CHD1: variants seen among roughly 807,000 people sequenced by gnomAD.
CHD1 encodes the protein ATP-dependent chromatin remodeler CHD1.
A neutral mutation model predicts 224.2 loss-of-function variants in CHD1; 36 were observed. The observed-to-expected ratio is 0.16, with a 90% CI of 0.12 to 0.21. The LOEUF (loss-of-function observed/expected upper bound fraction) is 0.21, where lower values mean the gene tolerates loss of function less well. CHD1 is among the 10% of genes least tolerant of loss of function. The pLI is 1.00. For missense variants in CHD1, 1,378 were observed against 1,994.8 expected, an observed-to-expected ratio of 0.69 and a Z score of 5.89; for synonymous variants, 668 against 658.3, an observed-to-expected ratio of 1.01 and a Z score of -0.23.
intron 32 of CHD1, among the ~76,000 whole-genome samples, chr5:98,861,668 CTTT>C (rs758149488): frequency 3.6e-5 from 5 of 139,960 alleles, no homozygotes; most frequent in South Asian, 2.3e-4. Flanking sequence ...TGCCCGACTA[CTTT>C]TTTTTTTTTT....
intron 2 of CHD1, among the ~76,000 whole-genome samples, chr5:98,925,496 A>AT (rs1485076347): frequency 4.6e-5 from 7 of 152,206 alleles, no homozygotes; most frequent in Admixed American, 2.6e-4. Context: ...CACACAACTA[A>AT]TAAGAGGTAG....
chr5:98,889,946 A>C (rs1750904520), intron 15 of CHD1: 1 of 152,282 alleles, frequency 6.6e-6, no homozygotes, highest in Non-Finnish European at 1.5e-5. Flanking sequence ...TAAGTGAATT[A>C]ACACAGAAAC....
intron 15 of CHD1, among the ~76,000 whole-genome samples, chr5:98,890,859 C>T (rs146170805): frequency 1.2e-4 from 19 of 152,174 alleles, no homozygotes; most frequent in African/African-American, 3.4e-4. Context: ...TTTTCCCCAT[C>T]GTATACATTT....
chr5:98,873,814 A>G, intron 25 of CHD1, 91 bp from the exon 26 acceptor site: 1 of 1,168,948 alleles, frequency 8.6e-7, no homozygotes, highest in Non-Finnish European at 1.2e-6. Flanking sequence ...AGATCTGAAT[A>G]TCACTCTACT....
chr5:98,921,744 A>G (rs766535252), intron 2 of CHD1, among the ~76,000 whole-genome samples: 1 of 152,240 alleles, frequency 6.6e-6, no homozygotes, highest in Non-Finnish European at 1.5e-5. Context: ...TTGCCCACAC[A>G]TTATGACTAC....
At chr5:98,923,761 T>C (rs1312142496) in intron 2 of CHD1, among the ~76,000 whole-genome samples, 1 of 152,094 alleles carries the variant, frequency 6.6e-6, no homozygotes, top group East Asian at 1.9e-4. Flanking sequence ...GACTTATTAC[T>C]CCTCCTCGCT....
chr5:98,923,802 T>C (rs1753266895), intron 2 of CHD1, among the ~76,000 whole-genome samples: 1 of 152,224 alleles, frequency 6.6e-6, no homozygotes, highest in African/African-American at 2.4e-5. Context: ...TATAAAATAT[T>C]GGAACAGGTA....
intron 10 of CHD1, 57 bp from the exon 11 acceptor site, chr5:98,897,377 A>C: frequency 8.2e-7 from 1 of 1,224,568 alleles, no homozygotes; most frequent in Non-Finnish European, 1.1e-6. Context: ...AATTATACTA[A>C]AAGATGAAAG....
chr5:98,923,944 T>C (rs537477873), intron 2 of CHD1, among the ~76,000 whole-genome samples: 14 of 152,266 alleles, frequency 9.2e-5, no homozygotes, highest in African/African-American at 3.4e-4. Context: ...TACTAACCAT[T>C]CCATTCCAAC....
intron 8 of CHD1, among the ~76,000 whole-genome samples, chr5:98,899,180 T>C (rs1751530571): frequency 6.6e-6 from 1 of 152,180 alleles, no homozygotes; most frequent in South Asian, 2.1e-4. Context: ...CTTTAAATCA[T>C]CTCTAGATGT....
intron 2 of CHD1, among the ~76,000 whole-genome samples, chr5:98,909,848 C>T (rs142996700): frequency 9.0e-4 from 137 of 152,252 alleles, no homozygotes; most frequent in African/African-American, 3.2e-3. Flanking sequence ...TTTCCAAACT[C>T]TCCCATCTTT....
At chr5:98,869,268 T>C (rs139763698) in intron 30 of CHD1, 8 of 986,022 alleles carry the variant, frequency 8.1e-6, no homozygotes, top group Admixed American at 1.2e-4. Flanking sequence ...TTCACAGAAC[T>C]GATCTCATCC....
At chr5:98,866,148 T>C (rs1371153691) in intron 31 of CHD1, among the ~76,000 whole-genome samples, 1 of 151,388 alleles carries the variant, frequency 6.6e-6, no homozygotes, top group Non-Finnish European at 1.5e-5. Flanking sequence ...ACAAAAACGG[T>C]TACCCTTGAA....
chr5:98,871,856 C>T (rs1421832561), intron 28 of CHD1, among the ~76,000 whole-genome samples, 195 bp downstream of exon 28: 1 of 152,162 alleles, frequency 6.6e-6, no homozygotes, highest in Non-Finnish European at 1.5e-5. Flanking sequence ...TATAATTTCA[C>T]AGTAACGCAA....
chr5:98,867,845 C>T (rs913057168), intron 31 of CHD1, among the ~76,000 whole-genome samples: 14 of 148,678 alleles, frequency 9.4e-5, no homozygotes, highest in Non-Finnish European at 1.5e-4. Flanking sequence ...GTTGTCGGCC[C>T]GGGCTGGAGT....
rs140057785 is a variant in CHD1, at chr5:98,882,064, C to T, written c.2778G>A (p.Ala926=). The T allele has an allele frequency of 7.6e-4, 1,226 of 1,613,404 alleles. 31 individuals are homozygous for T. In the East Asian group the frequency reaches 0.025, roughly 33 times the overall value. The change falls in exon 20 of 36, where the codon GCG becomes GCA. Residue 926 remains alanine (A), a synonymous_variant. Transcript: ENST00000614616. ...GATGATCTAAAACCATCTTCTTTTT[C>T]GCCCTTTCAAGAATATCTTCTTCAA... ...GSVEEDILER[A]KKKMVLDHLV...
chr5:98,901,555 G>A lies in CHD1; in HGVS notation c.438-220C>T, dbSNP rs571540586. 2.9e-4 allele frequency among the ~76,000 whole-genome samples: 44 copies of A among 151,860 alleles called. 1 individual carries two copies. Among genetic ancestry groups the A allele is most frequent in the Admixed American group, 5.9e-4 (9 of 15,238 alleles). On this transcript the variant is annotated intron_variant, in intron 5 of 35. Coordinates refer to ENST00000614616, the MANE Select transcript of CHD1 (RefSeq NM_001270.4). ...AGTTTTGCTAATCACTTAGTTATACGTCAGTGAACAGCAAATAAATGATAT... is the reference window on the plus strand; with the variant it reads ...AGTTTTGCTAATCACTTAGTTATACATCAGTGAACAGCAAATAAATGATAT...
rs942522927 is a variant in CHD1 at position 98,855,161 on chromosome 5, TGAGG to T, written c.*1215_*1218del. 6.6e-6 allele frequency: 1 copy of T among 152,526 alleles called. No individual in the cohort carries two copies. Among genetic ancestry groups the T allele is most frequent in the African/African-American group, 2.4e-5 (1 of 41,380 alleles). The allele number at this position is 152,526 out of a possible 1,614,324, so 9.4% of individuals were successfully genotyped here. ...GGCGGTGGTGGTGGTGGTAAGTGCT[TGAGG>T]GAGTAAGAATGCAGCAGAAAATTAC... On this transcript the variant is annotated 3_prime_UTR_variant, in exon 36 of 36. Coordinates refer to ENST00000614616, the MANE Select transcript of CHD1 (RefSeq NM_001270.4).
chr5:98,883,508 G>A lies in CHD1; in HGVS notation c.2569-271C>T, dbSNP rs181969470. Among the ~76,000 whole-genome samples, 388 of 151,794 alleles carry A rather than the reference G, an allele frequency of 2.6e-3. 2 individuals carry two copies. Among genetic ancestry groups the A allele is most frequent in the African/African-American group, 8.7e-3 (360 of 41,396 alleles). ...AATTTTATTTCCTTAAAAAATAAAA[G>A]GCATATACCAAAAAAAGAACTCTAT... On this transcript the variant is annotated intron_variant, in intron 18 of 35. Transcript: ENST00000614616.
Sources: allele counts gnomAD v4.1 joint callset (sites outside exome capture counted in the v4.1 genomes callset), GRCh38; gene constraint gnomAD v4.1.1; transcripts MANE v1.5; gene names NCBI Gene and HGNC (gene_info 2026-07-23, HGNC 2026-07-21).